TMEM132B: variants seen among roughly 807,000 people sequenced by gnomAD.
The protein encoded by TMEM132B is transmembrane protein 132B.
TMEM132B carries 18 observed loss-of-function variants against 90.8 expected under a neutral mutation model. The observed-to-expected ratio is 0.20, with a 90% CI of 0.14 to 0.29. The LOEUF (loss-of-function observed/expected upper bound fraction) is 0.29. Ranked by LOEUF, TMEM132B falls within the 10% of genes least tolerant of loss-of-function variation. The pLI is 1.00. For missense variants in TMEM132B, 1,096 were observed against 1,326.8 expected, an observed-to-expected ratio of 0.83 and a Z score of 2.70; for synonymous variants, 504 against 523.3, an observed-to-expected ratio of 0.96 and a Z score of 0.50.
In TMEM132B at chr12:125,246,729, C is replaced by T. The variant is rs1481740132; in HGVS notation, c.67+59863C>T. Among the ~76,000 whole-genome samples, 4 of 152,242 alleles carry T rather than the reference C, an allele frequency of 2.6e-5. No homozygotes were observed. Among genetic ancestry groups the T allele is most frequent in the Middle Eastern group, 3.4e-3 (1 of 294 alleles). On this transcript the variant is annotated intron_variant, in intron 1 of 8. Transcript: ENST00000682704. This position sits in a 1 kb window ranked among gnomAD's most constrained non-coding sequence, Gnocchi z 4.2. ...AGTGCTTTGATTCTTAAATCGGAGC[C>T]GGCTTTCAGGCACCTATCTTCTCAC...
chr12:125,417,643 A>G (rs897206632), intron 3 of TMEM132B, among the ~76,000 whole-genome samples: 1 of 152,152 alleles, frequency 6.6e-6, no homozygotes, highest in Non-Finnish European at 1.5e-5. Flanking sequence ...GGTACCAGGA[A>G]TGTAGGGTCA....
chr12:125,578,040 T>C (rs1336857366), intron 4 of TMEM132B, among the ~76,000 whole-genome samples: 1 of 152,152 alleles, frequency 6.6e-6, no homozygotes, highest in African/African-American at 2.4e-5. Context: ...TCCTAGAGAA[T>C]GCTCCATGTA....
At chr12:125,515,213 C>G (rs1883084380) in intron 3 of TMEM132B, among the ~76,000 whole-genome samples, 1 of 150,148 alleles carries the variant, frequency 6.7e-6, no homozygotes, top group East Asian at 2.0e-4. Flanking sequence ...CTCAAACACA[C>G]ACGTTCACAC....
At chr12:125,225,638 C>T (rs1487985470) in intron 1 of TMEM132B, among the ~76,000 whole-genome samples, 1 of 152,192 alleles carries the variant, frequency 6.6e-6, no homozygotes, top group Non-Finnish European at 1.5e-5. Context: ...TTCCATGGAA[C>T]AGTTCAATCA....
intron 4 of TMEM132B, among the ~76,000 whole-genome samples, chr12:125,538,345 G>A (rs1883865806): frequency 6.6e-6 from 1 of 152,176 alleles, no homozygotes; most frequent in Non-Finnish European, 1.5e-5. Context: ...GGGTTAGGGT[G>A]CAGATAACTC....
At chr12:125,453,171 T>G (rs1881203825) in intron 3 of TMEM132B, among the ~76,000 whole-genome samples, 1 of 152,156 alleles carries the variant, frequency 6.6e-6, no homozygotes, top group African/African-American at 2.4e-5. Flanking sequence ...TTTCATTCCT[T>G]GTATTTGACT....
chr12:125,653,850 A>G lies in TMEM132B; in HGVS notation c.2392A>G (p.Ser798Gly). ...GNVKVKFEPS[S>G]DEHQGGSNDI... ...TGTCAAGGTCAAATTCGAACCAAGTAGTGATGAGCACCAAGGAGGCAGCAA... is the reference window on the plus strand; with the variant it reads ...TGTCAAGGTCAAATTCGAACCAAGTGGTGATGAGCACCAAGGAGGCAGCAA... Residue 798 changes from serine to glycine, a missense_variant, in exon 9 of 9, where the codon AGT (serine) becomes GGT (glycine). By Grantham distance (56) the Ser-to-Gly change is moderately conservative. Coordinates refer to ENST00000682704, the MANE Select transcript of TMEM132B (RefSeq NM_001366854.1). 6.2e-7 allele frequency: 1 copy of G among 1,614,212 alleles called. No homozygotes were observed. Among genetic ancestry groups the G allele is most frequent in the Non-Finnish European group, 8.5e-7 (1 of 1,180,050 alleles).
intron 1 of TMEM132B, among the ~76,000 whole-genome samples, chr12:125,211,212 G>A (rs901023783): frequency 1.3e-5 from 2 of 152,176 alleles, no homozygotes; most frequent in African/African-American, 4.8e-5. Context: ...GCTGAGCTGG[G>A]GTGTCTCTGG....
intron 1 of TMEM132B, among the ~76,000 whole-genome samples, chr12:125,332,804 T>C (rs1336682819): frequency 6.6e-6 from 1 of 152,106 alleles, no homozygotes; most frequent in South Asian, 2.1e-4. Flanking sequence ...ATATTAGTTT[T>C]TCCTTTCTTT....
At chr12:125,236,028 C>T (rs1276637495) in intron 1 of TMEM132B, among the ~76,000 whole-genome samples, 6 of 152,146 alleles carry the variant, frequency 3.9e-5, no homozygotes, top group African/African-American at 1.4e-4. Context: ...GTCTTGAACT[C>T]CTGACCTCAA....
intron 2 of TMEM132B, among the ~76,000 whole-genome samples, chr12:125,413,331 C>CT (rs1468921794): frequency 6.6e-5 from 10 of 151,448 alleles, no homozygotes; most frequent in Non-Finnish European, 7.4e-5. Context: ...CCCCCATCTT[C>CT]TTTTTTGTAC....
At chr12:125,636,785 C>T (rs76974676) in intron 5 of TMEM132B, among the ~76,000 whole-genome samples, 2,168 of 152,286 alleles carry the variant, frequency 0.014, 68 homozygotes, top group African/African-American at 0.05. Flanking sequence ...TCTCTGCAGC[C>T]AGGATCATGA....
intron 3 of TMEM132B, among the ~76,000 whole-genome samples, chr12:125,438,273 C>T (rs3847940): frequency 0.54 from 82,051 of 152,014 alleles, 23,375 homozygotes; most frequent in African/African-American, 0.74. Flanking sequence ...AGATTGGCAA[C>T]GGCTCTGCAT....
chr12:125,523,682 C>G (rs1435169149), intron 4 of TMEM132B, among the ~76,000 whole-genome samples: 1 of 152,218 alleles, frequency 6.6e-6, no homozygotes, highest in East Asian at 1.9e-4. Context: ...TCAGGGCTCT[C>G]CATCTCTTCT....
At chr12:125,383,280 C>T (rs1052679027) in intron 2 of TMEM132B, among the ~76,000 whole-genome samples, 26 of 152,132 alleles carry the variant, frequency 1.7e-4, no homozygotes, top group African/African-American at 5.8e-4. Flanking sequence ...GGACCACCTT[C>T]GTGATTTGTG....
chr12:125,442,218 G>A (rs375215794), intron 3 of TMEM132B, among the ~76,000 whole-genome samples: 1 of 152,226 alleles, frequency 6.6e-6, no homozygotes, highest in African/African-American at 2.4e-5. Flanking sequence ...TCTGCTGTCC[G>A]TGTGCTGTTA....
At chr12:125,280,524 C>A (rs573325146) in intron 1 of TMEM132B, among the ~76,000 whole-genome samples, 3 of 152,326 alleles carry the variant, frequency 2.0e-5, no homozygotes, top group African/African-American at 7.2e-5. Context: ...GAGTGTCCAT[C>A]GCACCTGGCC....
chr12:125,623,523 A>G (rs1399255505), intron 5 of TMEM132B, among the ~76,000 whole-genome samples: 2 of 151,996 alleles, frequency 1.3e-5, no homozygotes, highest in African/African-American at 4.8e-5. Flanking sequence ...AGGGAGTGAG[A>G]TAAGGTCAGG....
intron 1 of TMEM132B, among the ~76,000 whole-genome samples, chr12:125,206,501 G>A (rs1043660533): frequency 2.6e-5 from 4 of 152,138 alleles, no homozygotes; most frequent in South Asian, 2.1e-4. Context: ...GCCTCCCAAA[G>A]TGTCGGGATT....
Sources: gnomAD v4.1 joint callset for allele counts (sites outside exome capture counted in the v4.1 genomes callset) on GRCh38, gnomAD v4.1.1 for gene constraint, Gnocchi (gnomAD v3.1) non-coding constraint, MANE v1.5 for transcripts, NCBI Gene and HGNC (gene_info 2026-07-23, HGNC 2026-07-21) for gene names.